Variants in GRM7 observed in about 807,000 individuals in gnomAD.
GRM7 encodes glutamate metabotropic receptor 7.
GRM7 carries 35 observed loss-of-function variants against 84.5 expected under a neutral mutation model. That is an observed-to-expected ratio of 0.41 (90% CI 0.32 to 0.55). The LOEUF (loss-of-function observed/expected upper bound fraction) is 0.55, where lower values mean the gene tolerates loss of function less well. Among genes scored for constraint, GRM7 ranks in the 20% least tolerant of loss-of-function variants. The pLI, the probability that GRM7 is intolerant of heterozygous loss-of-function variation, is 0.19. For synonymous variants in GRM7, 487 were observed against 455.1 expected (o/e 1.07, Z -0.89); for missense variants, 1,003 against 1,194.6 (o/e 0.84, Z 2.36).
chr3:7,525,812 GT>G (rs1199683964), intron 7 of GRM7, among the ~76,000 whole-genome samples: 1 of 152,000 alleles, frequency 6.6e-6, no homozygotes, highest in Non-Finnish European at 1.5e-5. Context: ...GTGATATTTG[GT>G]TTTTTATTTC....
At chr3:7,031,519 C>T (rs1276190470) in intron 1 of GRM7, among the ~76,000 whole-genome samples, 1 of 151,950 alleles carries the variant, frequency 6.6e-6, no homozygotes, top group Non-Finnish European at 1.5e-5. Flanking sequence ...CGGGTTCATG[C>T]CATTCTCCTG....
chr3:7,006,638 T>C (rs1269413129), intron 1 of GRM7, among the ~76,000 whole-genome samples: 1 of 152,206 alleles, frequency 6.6e-6, no homozygotes, highest in Non-Finnish European at 1.5e-5. Context: ...AGTAGTAGTA[T>C]AAGCCACACT....
At chr3:7,418,898 C>G (rs1428213417) in intron 5 of GRM7, among the ~76,000 whole-genome samples, 3 of 152,148 alleles carry the variant, frequency 2.0e-5, no homozygotes, top group African/African-American at 7.2e-5. Flanking sequence ...TTTTTAACCT[C>G]TCAAAGCCAT....
intron 2 of GRM7, among the ~76,000 whole-genome samples, chr3:7,241,880 G>C (rs1435882133): frequency 1.3e-5 from 2 of 152,114 alleles, no homozygotes; most frequent in African/African-American, 2.4e-5. Flanking sequence ...TCCCAGTTCT[G>C]TTATCATGCC....
chr3:7,150,744 G>A (rs1694260409), intron 2 of GRM7, among the ~76,000 whole-genome samples: 1 of 152,100 alleles, frequency 6.6e-6, no homozygotes, highest in Non-Finnish European at 1.5e-5. Context: ...TTAAAATTCA[G>A]GTCAGCAAAA....
intron 1 of GRM7, among the ~76,000 whole-genome samples, chr3:7,000,467 A>G (rs1441228763): frequency 6.6e-6 from 1 of 152,148 alleles, no homozygotes; most frequent in Non-Finnish European, 1.5e-5. Flanking sequence ...GATTACAGGC[A>G]TGAGCCACCT....
intron 5 of GRM7, among the ~76,000 whole-genome samples, chr3:7,428,344 G>A (rs1696695980): frequency 6.6e-6 from 1 of 152,166 alleles, no homozygotes; most frequent in Admixed American, 6.5e-5. Context: ...CTGGGAGAGT[G>A]CCTAACTGTG....
chr3:7,248,424 G>C (rs1697855401), intron 2 of GRM7, among the ~76,000 whole-genome samples: 1 of 152,076 alleles, frequency 6.6e-6, no homozygotes, highest in South Asian at 2.1e-4. Flanking sequence ...AAGCTAATAT[G>C]TATGAGGAGT....
intron 1 of GRM7, among the ~76,000 whole-genome samples, chr3:7,134,214 T>C (rs1158403132): frequency 2.0e-5 from 3 of 152,162 alleles, no homozygotes; most frequent in Non-Finnish European, 4.4e-5. Context: ...TTTGTCTAGC[T>C]TGATGAGAAC....
chr3:7,068,138 A>G (rs1697732878), intron 1 of GRM7, among the ~76,000 whole-genome samples: 1 of 152,008 alleles, frequency 6.6e-6, no homozygotes, highest in Non-Finnish European at 1.5e-5. Flanking sequence ...GGAAATGAAA[A>G]ATAGACTTAG....
chr3:7,705,569 G>A (rs1415993374), intron 9 of GRM7, among the ~76,000 whole-genome samples: 1 of 152,174 alleles, frequency 6.6e-6, no homozygotes, highest in African/African-American at 2.4e-5. Context: ...ATCAAAAGCA[G>A]CTTTCTTAAA....
At chr3:7,092,398 A>G (rs888814541) in intron 1 of GRM7, among the ~76,000 whole-genome samples, 5 of 152,286 alleles carry the variant, frequency 3.3e-5, no homozygotes, top group Middle Eastern at 3.4e-3. Context: ...AGGATCCTGT[A>G]CTTGGTACTT....
intron 1 of GRM7, among the ~76,000 whole-genome samples, chr3:7,014,016 G>A (rs547057250): frequency 2.0e-5 from 3 of 152,144 alleles, no homozygotes; most frequent in African/African-American, 4.8e-5. Context: ...AGATATAAAG[G>A]CTTAATTAAT....
intron 7 of GRM7, among the ~76,000 whole-genome samples, chr3:7,473,111 T>C (rs1698768752): frequency 1.3e-5 from 2 of 152,176 alleles, no homozygotes; most frequent in South Asian, 2.1e-4. Flanking sequence ...GCTGACTTCC[T>C]GAGAAAGCTA....
rs113002895 is a variant in GRM7 at position 6,923,813 on chromosome 3, A to T, written c.519+61906A>T. Reference sequence around the variant, plus strand: ...GTTTCTTCCCGTTTATGGGACTATAAATGCAGCTGACTAAACCTCTTTAAT... The same window carrying T: ...GTTTCTTCCCGTTTATGGGACTATATATGCAGCTGACTAAACCTCTTTAAT... On this transcript the variant is annotated intron_variant, in intron 1 of 9. Transcript: ENST00000357716. Among the ~76,000 whole-genome samples, 1,033 of 152,288 alleles carry T rather than the reference A, an allele frequency of 6.8e-3. 12 individuals are homozygous for T. The highest frequency in any genetic ancestry group is 0.023 in the African/African-American group (954 of 41,558).
intron 7 of GRM7, among the ~76,000 whole-genome samples, chr3:7,478,431 A>G (rs1310246003): frequency 6.6e-6 from 1 of 152,176 alleles, no homozygotes; most frequent in East Asian, 1.9e-4. Context: ...CAGCTGAGAG[A>G]CGACTGGAAC....
At chr3:7,104,666 T>C (rs1699235638) in intron 1 of GRM7, among the ~76,000 whole-genome samples, 1 of 151,812 alleles carries the variant, frequency 6.6e-6, no homozygotes, top group Non-Finnish European at 1.5e-5. Context: ...ACATCTCATA[T>C]TGTTAGCTGT....
intron 6 of GRM7, 60 bp downstream of exon 6, chr3:7,452,867 G>C (rs149410668): frequency 1.7e-5 from 17 of 998,050 alleles, no homozygotes; most frequent in Non-Finnish European, 2.6e-5. Flanking sequence ...TGTTTCATAA[G>C]TTTTAAATGT....
intron 2 of GRM7, among the ~76,000 whole-genome samples, chr3:7,175,364 A>T (rs2125091725): frequency 6.6e-6 from 1 of 152,326 alleles, no homozygotes; most frequent in Admixed American, 6.5e-5. Flanking sequence ...TTATTTATTC[A>T]TGTTTTAAGA....
Sources: allele counts gnomAD v4.1 joint callset (sites outside exome capture counted in the v4.1 genomes callset), GRCh38; gene constraint gnomAD v4.1.1; transcripts MANE v1.5; gene names NCBI Gene and HGNC (gene_info 2026-07-23, HGNC 2026-07-21).